Variants in ADGRA2 observed in about 807,000 individuals in gnomAD.
ADGRA2 encodes G-protein coupled receptor 124.
In ADGRA2, 61 loss-of-function variants were observed where a neutral mutation model predicts 98.7. The ratio of observed to expected loss-of-function variants is 0.62; its 90% CI spans 0.50 to 0.76. The LOEUF is 0.76. ADGRA2 is among the 30% of genes least tolerant of loss of function. The pLI, the probability that ADGRA2 is intolerant of heterozygous loss-of-function variation, is 0.00. For missense variants in ADGRA2, 1,712 were observed against 1,860.0 expected, an observed-to-expected ratio of 0.92 and a Z score of 1.46; for synonymous variants, 858 against 831.5, an observed-to-expected ratio of 1.03 and a Z score of -0.55.
At chr8:37,805,742 G>C (rs1044035100) in intron 1 of ADGRA2, among the ~76,000 whole-genome samples, 2 of 151,744 alleles carry the variant, frequency 1.3e-5, no homozygotes, top group African/African-American at 4.8e-5. Context: ...AGTGGTGCGC[G>C]CCTGTAATCC....
chr8:37,839,242 G>A (rs917124828), intron 15 of ADGRA2, among the ~76,000 whole-genome samples, 159 bp downstream of exon 15: 5 of 152,234 alleles, frequency 3.3e-5, no homozygotes, highest in African/African-American at 1.2e-4. Context: ...CAGCATGGGT[G>A]CAGGGTGGAC....
chr8:37,832,817 C>T (rs1805493257), intron 8 of ADGRA2, among the ~76,000 whole-genome samples, 193 bp from the exon 9 acceptor site: 1 of 152,146 alleles, frequency 6.6e-6, no homozygotes. Flanking sequence ...AAGTCCAGCC[C>T]CCTATCGCCT....
At position 37,830,786 on chromosome 8, in the gene ADGRA2, C is replaced by T. The variant is rs1439296246; in HGVS notation, c.795C>T (p.Pro265=). The T allele has an allele frequency of 6.3e-7, 1 of 1,596,462 alleles. No individual in the cohort carries two copies. Among genetic ancestry groups the T allele is most frequent in the Non-Finnish European group, 8.5e-7 (1 of 1,172,214 alleles). Residue 265 remains proline (P), a synonymous_variant, in exon 7 of 19, where the codon CCC becomes CCT. Coordinates refer to ENST00000412232, the MANE Select transcript of ADGRA2 (RefSeq NM_032777.10). This position sits in a 1 kb window ranked among gnomAD's most constrained non-coding sequence, Gnocchi z 4.8. ...TGGTGTTCCAGGGGGATCGGCTGCCCTTCCAGTGCTCTGCCAGCTACCTGG... is the reference window on the plus strand; with the variant it reads ...TGGTGTTCCAGGGGGATCGGCTGCCTTTCCAGTGCTCTGCCAGCTACCTGG... ...RQVVFQGDRL[P]FQCSASYLGN... is the part of the protein sequence containing the mutation.
chr8:37,836,745 T>C (rs1160855770), intron 13 of ADGRA2, among the ~76,000 whole-genome samples: 1 of 152,236 alleles, frequency 6.6e-6, no homozygotes, highest in East Asian at 1.9e-4. Flanking sequence ...TCTTGGGTTG[T>C]TTCCCATCAT....
chr8:37,839,492 C>T lies in ADGRA2; in HGVS notation c.2388-7C>T, dbSNP rs745437955. The T allele has an allele frequency of 9.9e-6, 16 of 1,613,858 alleles. No individual in the cohort carries two copies. The highest frequency in any genetic ancestry group is 5.3e-5 in the African/African-American group (4 of 74,908). On this transcript the variant is annotated splice_polypyrimidine_tract_variant and splice_region_variant and intron_variant, in intron 15 of 18. Coordinates refer to ENST00000412232, the MANE Select transcript of ADGRA2 (RefSeq NM_032777.10). The stretch of plus-strand genomic sequence containing the variant: ...ACGGCCATTAATTCGAGACTGTTTC[C>T]GGGCAGCTCCATCCGTGTGTCCCGG...
At position 37,841,954 on chromosome 8, in the gene ADGRA2, G is replaced by C; in HGVS notation, c.3616G>C (p.Gly1206Arg). Residue 1206 changes from glycine (G) to arginine (R), a missense_variant, in exon 19 of 19, where the codon GGG becomes CGG. By Grantham distance (125) the Gly-to-Arg change is moderately radical. Coordinates refer to ENST00000412232, the MANE Select transcript of ADGRA2 (RefSeq NM_032777.10). The surrounding 1 kb of genome is among the most constrained non-coding windows in gnomAD (Gnocchi z 5.0). ...CGKNRLKALR[G>R]GAAGALELLS... is the part of the protein sequence containing the mutation. ...CAAGAACCGGCTCAAGGCCCTGCGC[G>C]GGGGCGCGGCGGGGGCGCTGGAGCT... is the stretch of plus-strand genomic sequence containing the variant. The C allele has an allele frequency of 6.6e-7, 1 of 1,505,062 alleles. No individual in the cohort carries two copies. Among genetic ancestry groups the C allele is most frequent in the Admixed American group, 2.2e-5 (1 of 45,588 alleles). 93.2% of individuals were successfully genotyped at this position (1,505,062 alleles called of 1,614,324 possible). A position where few individuals can be genotyped will look rare whatever the true frequency, so the allele number is the denominator to read the frequency against.
At chr8:37,838,584 A>G (rs1805689810) in intron 14 of ADGRA2, among the ~76,000 whole-genome samples, 1 of 152,068 alleles carries the variant, frequency 6.6e-6, no homozygotes, top group Non-Finnish European at 1.5e-5. Context: ...AGAAAAAAAT[A>G]ATCTGGGAAC....
In ADGRA2 at chr8:37,814,926, C is replaced by G; in HGVS notation, c.297C>G (p.Leu99=). 1.2e-6 allele frequency: 2 copies of G among 1,613,464 alleles called. No individual in the cohort carries two copies. The highest frequency in any genetic ancestry group is 1.7e-6 in the Non-Finnish European group (2 of 1,179,364). ...LLLSNNKITG[L]RNGSFLGLSL... is the part of the protein sequence containing the mutation. ...TGAGCAATAACAAGATCACGGGGCT[C>G]CGCAATGGCTCCTTCCTGGGACTGT... Residue 99 remains leucine (L), a synonymous_variant, in exon 2 of 19, where the codon CTC becomes CTG. Coordinates refer to ENST00000412232, the MANE Select transcript of ADGRA2 (RefSeq NM_032777.10). The surrounding 1 kb of genome is among the most constrained non-coding windows in gnomAD (Gnocchi z 4.3).
chr8:37,841,924 T>C lies in ADGRA2; in HGVS notation c.3586T>C (p.Cys1196Arg), dbSNP rs1805811525. The C allele has an allele frequency of 6.6e-7, 1 of 1,523,324 alleles. No homozygotes were observed. Among genetic ancestry groups the C allele is most frequent in the Non-Finnish European group, 8.8e-7 (1 of 1,142,658 alleles). 94.4% of individuals were successfully genotyped at this position (1,523,324 alleles called of 1,614,324 possible). ...RAKGHRAGEA[C>R]GKNRLKALRG... ...CAAGGGACACCGCGCGGGGGAGGCC[T>C]GCGGCAAGAACCGGCTCAAGGCCCT... The change falls in exon 19 of 19, where the codon TGC becomes CGC. Residue 1196 changes from cysteine to arginine, a missense_variant. By Grantham distance (180) the Cys-to-Arg change is radical (BLOSUM62 -3). Coordinates refer to ENST00000412232, the MANE Select transcript of ADGRA2 (RefSeq NM_032777.10). This position sits in a 1 kb window ranked among gnomAD's most constrained non-coding sequence, Gnocchi z 5.0.
In ADGRA2 at chr8:37,839,018, C is replaced by T. The variant is rs1424423091; in HGVS notation, c.2322C>T (p.Tyr774=). The T allele has an allele frequency of 6.2e-7, 1 of 1,604,824 alleles. No individual in the cohort carries two copies. Among genetic ancestry groups the T allele is most frequent in the South Asian group, 1.1e-5 (1 of 89,234 alleles). Residue 774 remains tyrosine (Y), a synonymous_variant, in exon 15 of 19, where the codon TAC becomes TAT. Coordinates refer to ENST00000412232, the MANE Select transcript of ADGRA2 (RefSeq NM_032777.10). ...GGGCAGGGCTGCACCCCGTGGTATA[C>T]CCCTGCACGGCCTTGCTGCTGCTCT... is the stretch of plus-strand genomic sequence containing the variant. ...GAGAGLHPVV[Y]PCTALLLLCL...
chr8:37,839,010 G>T lies in ADGRA2; in HGVS notation c.2314G>T (p.Val772Leu), dbSNP rs141853893. ...VGGAGAGLHP[V>L]VYPCTALLLL... ...GGGCGCCGGGGCAGGGCTGCACCCC[G>T]TGGTATACCCCTGCACGGCCTTGCT... The change falls in exon 15 of 19, where the codon GTG becomes TTG. Residue 772 changes from valine to leucine, a missense_variant. Coordinates refer to ENST00000412232, the MANE Select transcript of ADGRA2 (RefSeq NM_032777.10). 422 of 1,600,156 alleles carry T rather than the reference G, an allele frequency of 2.6e-4. No individual in the cohort carries two copies. The highest frequency in any genetic ancestry group is 1.5e-3 in the Admixed American group (85 of 58,594).
chr8:37,842,402 C>T lies in ADGRA2; in HGVS notation c.*47C>T. On this transcript the variant is annotated 3_prime_UTR_variant, in exon 19 of 19. Transcript: ENST00000412232. ...GACGGGCTGGCCACGCGGCTCGTTC[C>T]CCCGCTCCTCGGGGCCCTCCAAGGT... The T allele has an allele frequency of 7.0e-7, 1 of 1,423,122 alleles. No homozygotes were observed. The highest frequency in any genetic ancestry group is 9.2e-7 in the Non-Finnish European group (1 of 1,089,702). The allele number at this position is 1,423,122 out of a possible 1,614,324, so 88.2% of individuals were successfully genotyped here. A position where few individuals can be genotyped will look rare whatever the true frequency, so the allele number is the denominator to read the frequency against.
intron 1 of ADGRA2, among the ~76,000 whole-genome samples, chr8:37,803,455 C>G (rs1328998762): frequency 6.6e-6 from 1 of 152,200 alleles, no homozygotes; most frequent in African/African-American, 2.4e-5. Flanking sequence ...GAAGGAAGAT[C>G]CGCTAACCGC....
Position 37,841,712 on chromosome 8 carries a change from G to A in ADGRA2, c.3374G>A (p.Ser1125Asn). 6.5e-7 allele frequency: 1 copy of A among 1,541,814 alleles called. No individual in the cohort carries two copies. The highest frequency in any genetic ancestry group is 1.4e-5 in the African/African-American group (1 of 72,590). ...PSLKSSPSGS[S>N]GHPLALGPCK... ...CTCAAGTCCTCCCCAAGCGGCAGCA[G>A]CGGCCATCCGCTGGCTCTGGGCCCC... Residue 1125 changes from serine to asparagine, a missense_variant, in exon 19 of 19, where the codon AGC becomes AAC. Physicochemically the swap from Ser to Asn is conservative, Grantham distance 46 (BLOSUM62 1). Transcript: ENST00000412232. The surrounding 1 kb of genome is among the most constrained non-coding windows in gnomAD (Gnocchi z 5.0).
At position 37,828,918 on chromosome 8, in the gene ADGRA2, G is replaced by A. The variant is rs1320623274; in HGVS notation, c.369G>A (p.Val123=). ...TGAGGAACAACATCATCAGCACAGT[G>A]CAGCCGGGCGCCTTCCTGGGCCTGG... is the stretch of plus-strand genomic sequence containing the variant. The part of the protein sequence containing the change: ...LDLRNNIIST[V]QPGAFLGLGE... Residue 123 remains valine, a synonymous_variant, in exon 3 of 19, where the codon GTG becomes GTA. Coordinates refer to ENST00000412232, the MANE Select transcript of ADGRA2 (RefSeq NM_032777.10). 1.9e-6 allele frequency: 3 copies of A among 1,593,732 alleles called. No individual in the cohort carries two copies. Among genetic ancestry groups the A allele is most frequent in the Non-Finnish European group, 2.6e-6 (3 of 1,171,116 alleles).
At position 37,834,148 on chromosome 8, in the gene ADGRA2, G is replaced by A; in HGVS notation, c.1608+20G>A. 1 of 1,597,058 alleles carries A rather than the reference G, an allele frequency of 6.3e-7. No homozygotes were observed. Among genetic ancestry groups the A allele is most frequent in the Non-Finnish European group, 8.5e-7 (1 of 1,171,050 alleles). On this transcript the variant is annotated intron_variant, in intron 11 of 18. Coordinates refer to ENST00000412232, the MANE Select transcript of ADGRA2 (RefSeq NM_032777.10). The surrounding 1 kb of genome is among the most constrained non-coding windows in gnomAD (Gnocchi z 4.2). The stretch of plus-strand genomic sequence containing the variant: ...TCAGTGGTAATGGGGGTCAGCAGAG[G>A]GGGTGGCCCTGGCATGCAGAGGAGG...
Position 37,837,805 on chromosome 8 carries a change from G to C in ADGRA2, c.2125G>C (p.Val709Leu). ...LRHWAEGAEPVAAWWSQEGPG... is the reference protein window; with the variant it reads ...LRHWAEGAEPLAAWWSQEGPG... ...GCACTGGGCTGAGGGAGCCGAACCTGTGGCCGCTTGGTGGAGCCAGGAGGG... is the reference window on the plus strand; with the variant it reads ...GCACTGGGCTGAGGGAGCCGAACCTCTGGCCGCTTGGTGGAGCCAGGAGGG... The change falls in exon 14 of 19, where the codon GTG becomes CTG. Residue 709 changes from valine to leucine, a missense_variant. Transcript: ENST00000412232. 3.9e-6 allele frequency: 6 copies of C among 1,545,784 alleles called. No homozygotes were observed. The highest frequency in any genetic ancestry group is 5.2e-6 in the Non-Finnish European group (6 of 1,144,364).
At chr8:37,826,399 C>T (rs145253631) in intron 2 of ADGRA2, among the ~76,000 whole-genome samples, 94 of 152,272 alleles carry the variant, frequency 6.2e-4, no homozygotes, top group Middle Eastern at 3.4e-3. Flanking sequence ...CCCTCTCCCT[C>T]GGCCAGGGGC....
rs955570294 is a variant in ADGRA2, at chr8:37,802,605, T to C, written c.266+5071T>C. Among the ~76,000 whole-genome samples the C allele has an allele frequency of 1.3e-5, 2 of 152,148 alleles. No individual in the cohort carries two copies. The highest frequency in any genetic ancestry group is 6.5e-5 in the Admixed American group (1 of 15,274). On this transcript the variant is annotated intron_variant, in intron 1 of 18. Coordinates refer to ENST00000412232, the MANE Select transcript of ADGRA2 (RefSeq NM_032777.10). This position sits in a 1 kb window ranked among gnomAD's most constrained non-coding sequence, Gnocchi z 4.7. The stretch of plus-strand genomic sequence containing the variant: ...ACCCGGGCTCCGGGACCTCGCCTGT[T>C]CAAAGGCAGGGGCCCAGCAGAAACC...
Sources: gnomAD v4.1 joint callset for allele counts (sites outside exome capture counted in the v4.1 genomes callset) on GRCh38, gnomAD v4.1.1 for gene constraint, Gnocchi (gnomAD v3.1) non-coding constraint, MANE v1.5 for transcripts, NCBI Gene and HGNC (gene_info 2026-07-23, HGNC 2026-07-21) for gene names.